The following XPNPEP3 variants were observed in gnomAD, a reference collection of about 807,000 sequenced individuals.
XPNPEP3 encodes the protein X-prolyl aminopeptidase 3.
In XPNPEP3, 41 loss-of-function variants were observed where a neutral mutation model predicts 60.0. That is an observed-to-expected ratio of 0.68 (90% CI 0.53 to 0.89). The LOEUF is 0.89. Ranked by LOEUF, XPNPEP3 falls within the 40% of genes least tolerant of loss-of-function variation. The pLI is 0.00. For missense variants in XPNPEP3, 598 were observed against 638.9 expected, an observed-to-expected ratio of 0.94 and a Z score of 0.69; for synonymous variants, 212 against 223.2, an observed-to-expected ratio of 0.95 and a Z score of 0.45.
chr22:40,886,172 G>A (rs2058067832), intron 3 of XPNPEP3, 141 bp from the exon 4 acceptor site: 1 of 802,814 alleles, frequency 1.2e-6, no homozygotes, highest in Non-Finnish European at 2.1e-6. Flanking sequence ...TCAGTCCTGA[G>A]AGAGTCTTAA....
At chr22:40,869,699 AG>A (rs1306375319) in intron 2 of XPNPEP3, among the ~76,000 whole-genome samples, 1 of 152,220 alleles carries the variant, frequency 6.6e-6, no homozygotes, top group Non-Finnish European at 1.5e-5. Flanking sequence ...TTCTGCTATA[AG>A]ATCCCAGCGT....
intron 4 of XPNPEP3, among the ~76,000 whole-genome samples, chr22:40,898,224 C>CTTTTTTTTTTTTTTT (rs1405343173): frequency 2.8e-5 from 2 of 70,228 alleles, no homozygotes; most frequent in Non-Finnish European, 5.5e-5. Flanking sequence ...GTCTTTGACC[C>CTTTTTTTTTTTTTTT]ATTTTTTTTT....
At chr22:40,866,350 T>G (rs552974165) in intron 1 of XPNPEP3, among the ~76,000 whole-genome samples, 1 of 151,846 alleles carries the variant, frequency 6.6e-6, no homozygotes, top group African/African-American at 2.4e-5. Flanking sequence ...ATAGGAGCGT[T>G]GGGGAAGACA....
intron 4 of XPNPEP3, among the ~76,000 whole-genome samples, chr22:40,906,738 A>G (rs1017524150): frequency 2.0e-5 from 3 of 152,246 alleles, no homozygotes; most frequent in African/African-American, 7.2e-5. Context: ...TAACAAATGT[A>G]TATCTTAGTA....
At position 40,910,180 on chromosome 22, in the gene XPNPEP3, T is replaced by C. The variant is rs529079016; in HGVS notation, c.969+945T>C. ...TACCCATGAACCAAGCAGTCGATTT[T>C]AGAGCTAGAACAGTAGCAATACAAC... On this transcript the variant is annotated intron_variant, in intron 6 of 9. Transcript: ENST00000357137. Among the ~76,000 whole-genome samples, 6 of 152,170 alleles carry C rather than the reference T, an allele frequency of 3.9e-5. No homozygotes were observed. The South Asian group carries it at 1.0e-3, about 26-fold the overall frequency.
At position 40,869,124 on chromosome 22, in the gene XPNPEP3, T is replaced by G; in HGVS notation, c.181+9T>G. On this transcript the variant is annotated intron_variant, in intron 2 of 9. Coordinates refer to ENST00000357137, the MANE Select transcript of XPNPEP3 (RefSeq NM_022098.4). ...ACACCTCCTCAGACCAGGTAAGGCC[T>G]TTTAACTGTGCTATCTCCCCATTTA... 6.2e-7 allele frequency: 1 copy of G among 1,606,294 alleles called. No homozygotes were observed. The highest frequency in any genetic ancestry group is 1.1e-5 in the South Asian group (1 of 90,936).
Position 40,924,480 on chromosome 22 carries a change from C to G in XPNPEP3, c.1355C>G (p.Pro452Arg). 1 of 1,613,982 alleles carries G rather than the reference C, an allele frequency of 6.2e-7. No individual in the cohort carries two copies. The highest frequency in any genetic ancestry group is 8.5e-7 in the Non-Finnish European group (1 of 1,180,002). ...CCTGGGATGGTAATCACAATTGAGCCCGGTAAGGAGAGGTGTTACAATAGT... is the reference window on the plus strand; with the variant it reads ...CCTGGGATGGTAATCACAATTGAGCGCGGTAAGGAGAGGTGTTACAATAGT... Reference protein sequence around the residue: ...LQPGMVITIEPGIYIPEDDKD... With the variant: ...LQPGMVITIERGIYIPEDDKD... The change falls in exon 9 of 10, where the codon CCC (proline) becomes CGC (arginine). Residue 452 changes from proline to arginine, a missense_variant and splice_region_variant. Pro to Arg is a moderately radical substitution (Grantham distance 103). Transcript: ENST00000357137.
intron 4 of XPNPEP3, among the ~76,000 whole-genome samples, chr22:40,906,597 G>A (rs1347863851): frequency 6.6e-6 from 1 of 152,120 alleles, no homozygotes; most frequent in Non-Finnish European, 1.5e-5. Flanking sequence ...CATTGAACAG[G>A]ACAGCTCTCC....
At chr22:40,915,561 A>G (rs896237245) in intron 7 of XPNPEP3, among the ~76,000 whole-genome samples, 5 of 152,052 alleles carry the variant, frequency 3.3e-5, no homozygotes, top group Admixed American at 2.6e-4. Flanking sequence ...GAAAAAAAAA[A>G]AAAAGAAAAA....
chr22:40,861,897 T>C, intron 1 of XPNPEP3: 1 of 1,614,130 alleles, frequency 6.2e-7, no homozygotes, highest in South Asian at 1.1e-5. Context: ...TGGATTTTTA[T>C]CAGGGTGCCA....
rs150831801 is a variant in XPNPEP3, at chr22:40,874,631, G to T, written c.181+5516G>T. Reference sequence around the variant, plus strand: ...TATAGAGATAAGGTCTCACTATGTTGCCCAGGCTGGTCTTGAACTCCTGGA... The same window carrying T: ...TATAGAGATAAGGTCTCACTATGTTTCCCAGGCTGGTCTTGAACTCCTGGA... On this transcript the variant is annotated intron_variant, in intron 2 of 9. Coordinates refer to ENST00000357137, the MANE Select transcript of XPNPEP3 (RefSeq NM_022098.4). Among the ~76,000 whole-genome samples, 41 of 152,126 alleles carry T rather than the reference G, an allele frequency of 2.7e-4. 1 individual carries two copies. In the East Asian group the frequency reaches 5.2e-3, roughly 19 times the overall value.
intron 1 of XPNPEP3, among the ~76,000 whole-genome samples, chr22:40,858,767 T>C (rs973814677): frequency 6.6e-6 from 1 of 151,830 alleles, no homozygotes. Context: ...CCTGACCTCG[T>C]GATCCACCCG....
chr22:40,893,223 G>C (rs566441863), intron 4 of XPNPEP3, among the ~76,000 whole-genome samples: 1 of 148,098 alleles, frequency 6.8e-6, no homozygotes, highest in African/African-American at 2.5e-5. Flanking sequence ...CTTTTTAATA[G>C]ATACATCTGG....
intron 4 of XPNPEP3, among the ~76,000 whole-genome samples, chr22:40,901,921 TAGAG>T (rs1601511522): frequency 6.6e-6 from 1 of 152,018 alleles, no homozygotes; most frequent in Non-Finnish European, 1.5e-5. Flanking sequence ...GTTTGGGAAC[TAGAG>T]AGAGGTGGTG....
chr22:40,909,874 C>T (rs2058170866), intron 6 of XPNPEP3, among the ~76,000 whole-genome samples: 1 of 151,886 alleles, frequency 6.6e-6, no homozygotes, highest in African/African-American at 2.4e-5. Flanking sequence ...AAAGCCTCTG[C>T]TCATTTCATT....
rs1261532205 is a variant in XPNPEP3, at chr22:40,929,343, C to G, written c.*2908C>G. Reference sequence around the variant, plus strand: ...AATAGCTAGGAATACAGGCGCCTGCCACCACACCCGGCTATTTTTTTGTAT... The same window carrying G: ...AATAGCTAGGAATACAGGCGCCTGCGACCACACCCGGCTATTTTTTTGTAT... On this transcript the variant is annotated 3_prime_UTR_variant, in exon 10 of 10. Transcript: ENST00000357137. The G allele has an allele frequency of 6.6e-6, 1 of 152,058 alleles. No individual in the cohort carries two copies. The highest frequency in any genetic ancestry group is 2.4e-5 in the African/African-American group (1 of 41,378). The allele number at this position is 152,058 out of a possible 1,614,324, so 9.4% of individuals were successfully genotyped here.
chr22:40,859,694 C>T (rs917213397), intron 1 of XPNPEP3: 1 of 152,148 alleles, frequency 6.6e-6, no homozygotes, highest in African/African-American at 2.4e-5. Flanking sequence ...AACACAAGCT[C>T]TTGACTATAG....
chr22:40,924,483 G>A lies in XPNPEP3; in HGVS notation c.1357+1G>A. 3 of 1,614,046 alleles carry A rather than the reference G, an allele frequency of 1.9e-6. No homozygotes were observed. Among genetic ancestry groups the A allele is most frequent in the Non-Finnish European group, 1.7e-6 (2 of 1,179,964 alleles). ...GGGATGGTAATCACAATTGAGCCCG[G>A]TAAGGAGAGGTGTTACAATAGTAGT... On this transcript the variant is annotated splice_donor_variant, in intron 9 of 9. Transcript: ENST00000357137. LOFTEE classifies it high-confidence loss of function.
intron 4 of XPNPEP3, among the ~76,000 whole-genome samples, chr22:40,898,533 G>A (rs948786162): frequency 7.5e-6 from 1 of 133,522 alleles, no homozygotes; most frequent in Non-Finnish European, 1.5e-5. Flanking sequence ...GATTACAGGC[G>A]TGAGCCACCG....
Sources: gnomAD v4.1 joint callset for allele counts (sites outside exome capture counted in the v4.1 genomes callset) on GRCh38, gnomAD v4.1.1 for gene constraint, MANE v1.5 for transcripts, NCBI Gene and HGNC (gene_info 2026-07-23, HGNC 2026-07-21) for gene names.